The following SUN3 variants were observed in gnomAD, a reference collection of about 807,000 sequenced individuals.
SUN3 encodes the protein SUN domain-containing protein 3.
A neutral mutation model predicts 48.2 loss-of-function variants in SUN3; 36 were observed. That is an observed-to-expected ratio of 0.75 (90% CI 0.57 to 0.99). The LOEUF (loss-of-function observed/expected upper bound fraction) is 0.99, where lower values mean the gene tolerates loss of function less well. SUN3 is among the 50% of genes least tolerant of loss of function. The probability of loss-of-function intolerance (pLI) is 0.00; values close to 1 mark genes in which losing one functional copy is unlikely to be tolerated. For missense variants in SUN3, 419 were observed against 433.1 expected (o/e 0.97, Z 0.29); for synonymous variants, 148 against 147.9 (o/e 1.00, Z 0.00).
chr7:47,988,728 T>A (rs773252179), intron 9 of SUN3, 60 bp downstream of exon 9: 56 of 1,049,290 alleles, frequency 5.3e-5, no homozygotes, highest in Non-Finnish European at 7.7e-5. Context: ...CATGAAGCAA[T>A]CCCAACAAAT....
upstream of SUN3, among the ~76,000 whole-genome samples, chr7:48,029,298 G>A (rs2128786109): frequency 6.6e-6 from 1 of 152,312 alleles, no homozygotes; most frequent in Admixed American, 6.5e-5. Flanking sequence ...ATGTTTTGCT[G>A]TGTTTGCTTC....
At chr7:48,014,321 T>A (rs528391855) in intron 3 of SUN3, among the ~76,000 whole-genome samples, 11 of 152,334 alleles carry the variant, frequency 7.2e-5, no homozygotes, top group African/African-American at 2.6e-4. Flanking sequence ...GGATGCCTTT[T>A]AAAAATGTGA....
At chr7:48,033,224 C>T (rs959088032), upstream of SUN3, among the ~76,000 whole-genome samples, 5 of 152,118 alleles carry the variant, frequency 3.3e-5, no homozygotes, top group African/African-American at 1.2e-4. Flanking sequence ...ACATTCTTGT[C>T]TGATCTGGTT....
At chr7:48,034,103 T>C (rs1422427556), upstream of SUN3, among the ~76,000 whole-genome samples, 1 of 152,168 alleles carries the variant, frequency 6.6e-6, no homozygotes, top group Non-Finnish European at 1.5e-5. Flanking sequence ...ATCCCGTAGC[T>C]AGAGGATGCT....
At chr7:48,022,775 G>T (rs1430572328) in intron 2 of SUN3, among the ~76,000 whole-genome samples, 1 of 152,002 alleles carries the variant, frequency 6.6e-6, no homozygotes, top group Non-Finnish European at 1.5e-5. Context: ...CAGAAAGAGA[G>T]CAATGCCTTG....
intron 8 of SUN3, among the ~76,000 whole-genome samples, chr7:47,989,595 A>C (rs1456552879): frequency 6.6e-6 from 1 of 152,228 alleles, no homozygotes; most frequent in African/African-American, 2.4e-5. Context: ...TTTATAATAA[A>C]AATATTAATA....
chr7:48,010,260 A>C (rs1789647932), intron 3 of SUN3, among the ~76,000 whole-genome samples: 1 of 152,198 alleles, frequency 6.6e-6, no homozygotes, highest in Non-Finnish European at 1.5e-5. Flanking sequence ...AGGGCAAAAG[A>C]GAGCACCTTG....
intron 8 of SUN3, among the ~76,000 whole-genome samples, chr7:47,992,125 C>G (rs1789082346): frequency 6.6e-6 from 1 of 152,136 alleles, no homozygotes; most frequent in South Asian, 2.1e-4. Context: ...ACGAAATGGC[C>G]CGACCAGATG....
upstream of SUN3, among the ~76,000 whole-genome samples, chr7:48,033,103 T>C (rs1790274437): frequency 6.6e-6 from 1 of 152,232 alleles, no homozygotes; most frequent in Non-Finnish European, 1.5e-5. Flanking sequence ...GCCGATTATG[T>C]GGTAGAAAGA....
intron 3 of SUN3, among the ~76,000 whole-genome samples, chr7:48,010,004 C>A (rs1356421363): frequency 6.6e-6 from 1 of 152,052 alleles, no homozygotes; most frequent in Non-Finnish European, 1.5e-5. Flanking sequence ...GTTGGGTGCT[C>A]ACATTTCAAA....
intron 3 of SUN3, among the ~76,000 whole-genome samples, chr7:48,012,051 C>T (rs1303193853): frequency 6.6e-6 from 1 of 152,202 alleles, no homozygotes; most frequent in Non-Finnish European, 1.5e-5. Flanking sequence ...AGTTGATTAT[C>T]TTTCTGAAAC....
At chr7:48,016,378 G>A (rs780609814) in intron 3 of SUN3, among the ~76,000 whole-genome samples, 12 of 152,122 alleles carry the variant, frequency 7.9e-5, no homozygotes, top group South Asian at 2.1e-4. Context: ...TTCTTTCTCC[G>A]TTGCAATTCC....
At position 48,009,020 on chromosome 7, in the gene SUN3, A is replaced by G. The variant is rs1397126268; in HGVS notation, c.329+15T>C. The G allele has an allele frequency of 1.2e-6, 2 of 1,608,654 alleles. No individual in the cohort carries two copies. Among genetic ancestry groups the G allele is most frequent in the Non-Finnish European group, 8.5e-7 (1 of 1,178,200 alleles). On this transcript the variant is annotated intron_variant, in intron 4 of 9. Transcript: ENST00000297325. ...CCACACCAAAAAGAGGCATATAGCA[A>G]AAGATCGCACTCACTTTAAAAGTTC...
upstream of SUN3, among the ~76,000 whole-genome samples, chr7:48,033,569 AT>A (rs1196804037): frequency 2.0e-5 from 3 of 152,156 alleles, no homozygotes; most frequent in Admixed American, 6.5e-5. Flanking sequence ...CTCAAAAAAA[AT>A]AAAATAAAAA....
intron 3 of SUN3, among the ~76,000 whole-genome samples, chr7:48,013,819 G>C (rs556150497): frequency 6.6e-6 from 1 of 152,042 alleles, no homozygotes; most frequent in Non-Finnish European, 1.5e-5. Context: ...AAGAACTCAC[G>C]TAGAAATAAG....
upstream of SUN3, among the ~76,000 whole-genome samples, chr7:48,032,030 A>T (rs982096251): frequency 7.2e-5 from 11 of 152,246 alleles, no homozygotes; most frequent in African/African-American, 2.7e-4. Context: ...TGTATGATCT[A>T]ATTTATATGT....
chr7:47,995,280 T>TGGTGGC (rs1232351491), intron 7 of SUN3, among the ~76,000 whole-genome samples: 1 of 149,676 alleles, frequency 6.7e-6, no homozygotes, highest in Non-Finnish European at 1.5e-5. Context: ...GCAGTGATGG[T>TGGTGGC]GGTGGCGGTG....
chr7:48,016,348 A>G (rs1789812697), intron 3 of SUN3, among the ~76,000 whole-genome samples: 3 of 152,206 alleles, frequency 2.0e-5, no homozygotes, highest in African/African-American at 7.2e-5. Flanking sequence ...TATCCCACAC[A>G]TCCGGCTCTG....
At chr7:48,011,482 A>T (rs1789681943) in intron 3 of SUN3, among the ~76,000 whole-genome samples, 1 of 152,192 alleles carries the variant, frequency 6.6e-6, no homozygotes. Flanking sequence ...TTATTTTGAC[A>T]AGGATGTGAA....
Sources: gnomAD v4.1 joint callset for allele counts (sites outside exome capture counted in the v4.1 genomes callset) on GRCh38, gnomAD v4.1.1 for gene constraint, MANE v1.5 for transcripts, NCBI Gene and HGNC (gene_info 2026-07-23, HGNC 2026-07-21) for gene names.